PRIM2: variants seen among roughly 807,000 people sequenced by gnomAD.
PRIM2 encodes DNA primase large subunit.
Under a neutral mutation model 67.3 loss-of-function variants are expected in PRIM2, and 39 were observed. The ratio of observed to expected loss-of-function variants is 0.58; its 90% confidence interval spans 0.45 to 0.76. The LOEUF (loss-of-function observed/expected upper bound fraction) is 0.76. Ranked by LOEUF, PRIM2 falls within the 30% of genes least tolerant of loss-of-function variation. The pLI, the probability that PRIM2 is intolerant of heterozygous loss-of-function variation, is 0.00. For missense variants in PRIM2, 398 were observed against 598.7 expected (o/e 0.66, Z 3.50); for synonymous variants, 143 against 198.7 (o/e 0.72, Z 2.36).
intron 7 of PRIM2, among the ~76,000 whole-genome samples, chr6:57,443,442 C>T (rs1323344870): frequency 1.3e-5 from 2 of 152,194 alleles, no homozygotes; most frequent in South Asian, 2.1e-4. Context: ...AAAAGCCATT[C>T]TGGCAGGTGT....
intron 12 of PRIM2, among the ~76,000 whole-genome samples, chr6:57,609,065 C>G (rs1776618176): frequency 6.6e-6 from 1 of 152,132 alleles, no homozygotes; most frequent in Non-Finnish European, 1.5e-5. Flanking sequence ...CTTTCTGTCT[C>G]ATAGTAATCC....
chr6:57,490,177 G>T (rs1554345856), intron 7 of PRIM2, among the ~76,000 whole-genome samples: 1 of 151,870 alleles, frequency 6.6e-6, no homozygotes, highest in Non-Finnish European at 1.5e-5. Context: ...CAGTGCTGCT[G>T]CTTTCTGGGA....
chr6:57,553,761 G>C (rs1326746878), intron 10 of PRIM2, among the ~76,000 whole-genome samples: 1 of 152,098 alleles, frequency 6.6e-6, no homozygotes, highest in Admixed American at 6.5e-5. Context: ...GAGTTTCAAG[G>C]GTGTCATAGT....
intron 7 of PRIM2, among the ~76,000 whole-genome samples, chr6:57,448,954 C>T (rs1464519316): frequency 6.6e-6 from 1 of 152,098 alleles, no homozygotes; most frequent in East Asian, 1.9e-4. Context: ...TGTGTCTGAC[C>T]TCCCTTCTCA....
intron 5 of PRIM2, among the ~76,000 whole-genome samples, chr6:57,362,972 A>C (rs1769246878): frequency 1.3e-5 from 2 of 152,332 alleles, no homozygotes; most frequent in South Asian, 2.1e-4. Flanking sequence ...TACAAATTTC[A>C]GTTGTGAAAG....
the PRIM2 span, among the ~76,000 whole-genome samples, chr6:57,276,294 G>A: frequency 2.7e-3 from 406 of 152,178 alleles, 4 homozygotes; most frequent in Admixed American, 6.8e-3. Context: ...GGAGGCGGAG[G>A]CATGAGAATT....
At chr6:57,250,907 A>G in the PRIM2 span, among the ~76,000 whole-genome samples, 1 of 152,234 alleles carries the variant, frequency 6.6e-6, no homozygotes, top group East Asian at 1.9e-4. Context: ...TGCTCACTGC[A>G]GCATGTCAAA....
intron 7 of PRIM2, among the ~76,000 whole-genome samples, chr6:57,395,708 G>C (rs1770495660): frequency 6.6e-6 from 1 of 151,962 alleles, no homozygotes; most frequent in Non-Finnish European, 1.5e-5. Flanking sequence ...TGCTGGGTTT[G>C]GGTTTGGTTT....
chr6:57,623,815 T>C (rs1416678758), intron 12 of PRIM2, among the ~76,000 whole-genome samples: 6 of 152,134 alleles, frequency 3.9e-5, no homozygotes, highest in Non-Finnish European at 5.9e-5. Context: ...GTGTTTACCA[T>C]CAATTTGCAA....
At chr6:57,465,421 A>G in intron 7 of PRIM2, among the ~76,000 whole-genome samples, 1 of 152,164 alleles carries the variant, frequency 6.6e-6, no homozygotes, top group East Asian at 1.9e-4. Flanking sequence ...GACAATCTAG[A>G]GGTAGCATCC....
At chr6:57,470,869 T>A (rs1773322169) in intron 7 of PRIM2, among the ~76,000 whole-genome samples, 1 of 152,140 alleles carries the variant, frequency 6.6e-6, no homozygotes, top group Non-Finnish European at 1.5e-5. Flanking sequence ...TGTCCCTCCC[T>A]GCCAACTACC....
chr6:57,465,728 C>T (rs1773160731), intron 7 of PRIM2, among the ~76,000 whole-genome samples: 1 of 151,966 alleles, frequency 6.6e-6, no homozygotes, highest in African/African-American at 2.4e-5. Flanking sequence ...GATTAGGTGA[C>T]TTATTTAAAG....
chr6:57,335,911 G>A (rs1443213851), intron 5 of PRIM2, among the ~76,000 whole-genome samples: 7 of 152,232 alleles, frequency 4.6e-5, no homozygotes, highest in South Asian at 4.1e-4. Context: ...AAATTACTCC[G>A]AGCTACGGGA....
chr6:57,491,716 G>A (rs1168336125), intron 7 of PRIM2, among the ~76,000 whole-genome samples: 1 of 152,136 alleles, frequency 6.6e-6, no homozygotes, highest in East Asian at 1.9e-4. Flanking sequence ...CTCACCACCA[G>A]GAACATTTAG....
chr6:57,542,939 A>AGTTTTTTTTTTTTTTT (rs1775194169), intron 10 of PRIM2, among the ~76,000 whole-genome samples: 1 of 71,930 alleles, frequency 1.4e-5, no homozygotes, highest in Admixed American at 1.6e-4. Flanking sequence ...TGCTTATAGG[A>AGTTTTTTTTTTTTTTT]TTTTTTTTTT....
At chr6:57,227,423 C>T in the PRIM2 span, among the ~76,000 whole-genome samples, 1 of 152,140 alleles carries the variant, frequency 6.6e-6, no homozygotes, top group Admixed American at 6.5e-5. Context: ...GCAGGAGGAT[C>T]ACCTGAGGTC....
chr6:57,440,266 A>G (rs1168777601), intron 7 of PRIM2, among the ~76,000 whole-genome samples: 4 of 150,582 alleles, frequency 2.7e-5, no homozygotes, highest in East Asian at 1.9e-4. Context: ...TTAAATCCAC[A>G]TTTTCTTTCT....
intron 7 of PRIM2, among the ~76,000 whole-genome samples, chr6:57,475,341 T>G (rs1773451944): frequency 6.6e-6 from 1 of 152,212 alleles, no homozygotes; most frequent in African/African-American, 2.4e-5. Context: ...AGAAACCCTG[T>G]AACTATTAGC....
chr6:57,583,079 T>C (rs1207616056), intron 10 of PRIM2, among the ~76,000 whole-genome samples: 1 of 150,964 alleles, frequency 6.6e-6, no homozygotes, highest in Non-Finnish European at 1.5e-5. Context: ...AGAATGATGA[T>C]TTCCAATTTC....
Sources: gnomAD v4.1 joint callset for allele counts (sites outside exome capture counted in the v4.1 genomes callset) on GRCh38, gnomAD v4.1.1 for gene constraint, MANE v1.5 for transcripts, NCBI Gene and HGNC (gene_info 2026-07-23, HGNC 2026-07-21) for gene names.